Variants in MYO18A observed in about 807,000 individuals in gnomAD.
MYO18A encodes myosin XVIIIA.
Under a neutral mutation model 235.8 loss-of-function variants are expected in MYO18A, and 78 were observed. The ratio of observed to expected loss-of-function variants is 0.33; its 90% CI spans 0.28 to 0.40. The LOEUF is 0.40. Among genes scored for constraint, MYO18A ranks in the 10% least tolerant of loss-of-function variants. The pLI is 1.00. For missense variants in MYO18A, 2,215 were observed against 2,699.3 expected (o/e 0.82, Z 3.98); for synonymous variants, 977 against 1,077.8 (o/e 0.91, Z 1.83).
intron 1 of MYO18A, among the ~76,000 whole-genome samples, chr17:29,175,535 T>C (rs1435014657): frequency 2.6e-5 from 4 of 151,840 alleles, no homozygotes; most frequent in Admixed American, 2.6e-4. Flanking sequence ...AGCTAACTTC[T>C]GTATTTTTTG....
intron 2 of MYO18A, among the ~76,000 whole-genome samples, chr17:29,148,073 T>C (rs377210918): frequency 2.6e-5 from 4 of 151,500 alleles, no homozygotes; most frequent in Admixed American, 6.6e-5. Flanking sequence ...TGGGTGGAGA[T>C]TGAGAAAAGT....
intron 34 of MYO18A, chr17:29,091,801 G>A: frequency 2.6e-6 from 1 of 387,602 alleles, no homozygotes. Flanking sequence ...GTGGGTCCCA[G>A]GACCAGTGAT....
In MYO18A at chr17:29,166,728, G is replaced by A. The variant is rs35083821; in HGVS notation, c.213C>T (p.Ala71=). The A allele has an allele frequency of 2.7e-3, 4,390 of 1,613,844 alleles. 109 individuals carry two copies. The African/African-American group carries it at 0.052, about 19-fold the overall frequency. ...CAGTCAGGTGCAGGTCAGAGCCGCT[G>A]GCCACCTTGATGGGGATGGGGTTGG... ...EISNPIPIKV[A]SGSDLHLTDI... is the part of the protein sequence containing the mutation. Residue 71 remains alanine, a synonymous_variant, in exon 2 of 42, where the codon GCC becomes GCT. Coordinates refer to ENST00000527372, the MANE Select transcript of MYO18A (RefSeq NM_078471.4).
intron 2 of MYO18A, among the ~76,000 whole-genome samples, chr17:29,153,106 G>T (rs1431971517): frequency 6.6e-6 from 1 of 152,002 alleles, no homozygotes; most frequent in Non-Finnish European, 1.5e-5. Context: ...ACCTTACAAG[G>T]AAAGTACTAT....
chr17:29,142,013 C>T (rs894406384), intron 2 of MYO18A, among the ~76,000 whole-genome samples: 27 of 152,118 alleles, frequency 1.8e-4, no homozygotes, highest in Non-Finnish European at 7.4e-5. Flanking sequence ...GGCGTGATCT[C>T]GGCTCACTGC....
At chr17:29,080,712 C>T (rs2066099170) in intron 41 of MYO18A, 2 of 985,430 alleles carry the variant, frequency 2.0e-6, no homozygotes, top group Non-Finnish European at 2.4e-6. Flanking sequence ...CGGAGCCCCA[C>T]CGCTTCTGCG....
chr17:29,165,831 C>T, intron 2 of MYO18A, 111 bp downstream of exon 2: 1 of 1,046,154 alleles, frequency 9.6e-7, no homozygotes, highest in Admixed American at 2.7e-5. Flanking sequence ...TCCCCACTTA[C>T]ACACTGCTAG....
chr17:29,137,873 G>C (rs1049166013), intron 2 of MYO18A, among the ~76,000 whole-genome samples: 1 of 152,086 alleles, frequency 6.6e-6, no homozygotes, highest in African/African-American at 2.4e-5. Flanking sequence ...TATTTATTTT[G>C]GTATGTATTT....
Position 29,121,339 on chromosome 17 carries a change from G to A in MYO18A, c.1372-128C>T. On this transcript the variant is annotated intron_variant, in intron 5 of 41. Transcript: ENST00000527372. This position sits in a 1 kb window ranked among gnomAD's most constrained non-coding sequence, Gnocchi z 4.2. ...TAGTGCCCAGGGATTCCAAGGCCAA[G>A]GCCATGCATGGAAATGAAGACACTA... The A allele has an allele frequency of 8.6e-7, 1 of 1,158,946 alleles. No homozygotes were observed. The highest frequency in any genetic ancestry group is 2.6e-5 in the East Asian group (1 of 38,876). The allele number at this position is 1,158,946 out of a possible 1,614,324, so 71.8% of individuals were successfully genotyped here.
At chr17:29,137,285 G>A (rs556428761) in intron 2 of MYO18A, among the ~76,000 whole-genome samples, 83 of 152,336 alleles carry the variant, frequency 5.4e-4, no homozygotes, top group African/African-American at 2.0e-3. Flanking sequence ...CTGCACGAGA[G>A]TGCTGGGACA....
chr17:29,132,873 G>A (rs2067504614), intron 2 of MYO18A, among the ~76,000 whole-genome samples: 1 of 152,298 alleles, frequency 6.6e-6, no homozygotes, highest in Admixed American at 6.5e-5. Context: ...GAGTGGCAGG[G>A]TCTAGGTCTG....
intron 2 of MYO18A, among the ~76,000 whole-genome samples, chr17:29,122,729 G>A (rs1024712337): frequency 6.6e-6 from 1 of 152,250 alleles, no homozygotes; most frequent in South Asian, 2.1e-4. Flanking sequence ...TTGCCAAGCT[G>A]GGAGAGGGCA....
chr17:29,154,806 C>T (rs912366368), intron 2 of MYO18A, among the ~76,000 whole-genome samples: 1 of 152,190 alleles, frequency 6.6e-6, no homozygotes, highest in East Asian at 1.9e-4. Context: ...CCAGCCCAGC[C>T]GGGGAGGAAA....
Position 29,106,972 on chromosome 17 carries a change from C to T in MYO18A, c.3441+108G>A. The T allele has an allele frequency of 9.2e-7, 1 of 1,087,356 alleles. No homozygotes were observed. Among genetic ancestry groups the T allele is most frequent in the Non-Finnish European group, 1.4e-6 (1 of 723,652 alleles). The allele number at this position is 1,087,356 out of a possible 1,614,324, so 67.4% of individuals were successfully genotyped here. ...GTGCTTCCAAAACTGGGAGCCTGAG[C>T]AGGGCCAGATGAGCTGTCTCCAGGG... is the stretch of plus-strand genomic sequence containing the variant. On this transcript the variant is annotated intron_variant, in intron 20 of 41. Coordinates refer to ENST00000527372, the MANE Select transcript of MYO18A (RefSeq NM_078471.4). The surrounding 1 kb of genome is among the most constrained non-coding windows in gnomAD (Gnocchi z 4.6).
rs1028429782 is a variant in MYO18A, at chr17:29,073,553, G to C, written c.*1217C>G. On this transcript the variant is annotated 3_prime_UTR_variant, in exon 42 of 42. Transcript: ENST00000527372. The stretch of plus-strand genomic sequence containing the variant: ...AAAAGGGCCTTTATTTCCATACATC[G>C]GGTAAACAGGGGAGAGCACAGCCCA... 1.7e-5 allele frequency: 5 copies of C among 287,710 alleles called. No individual in the cohort carries two copies. In the East Asian group the frequency reaches 2.9e-4, roughly 17 times the overall value. 17.8% of individuals were successfully genotyped at this position (287,710 alleles called of 1,614,324 possible). A position where few individuals can be genotyped will look rare whatever the true frequency, so the allele number is the denominator to read the frequency against.
intron 15 of MYO18A, 139 bp from the exon 16 acceptor site, chr17:29,112,002 G>T (rs946752388): frequency 1.8e-6 from 2 of 1,115,494 alleles, no homozygotes; most frequent in South Asian, 1.6e-5. Flanking sequence ...AGCTCCTGCC[G>T]CTCACTGCTG....
intron 2 of MYO18A, among the ~76,000 whole-genome samples, chr17:29,143,402 GTTTTTTT>G (rs532615100): frequency 8.2e-6 from 1 of 121,542 alleles, no homozygotes; most frequent in Admixed American, 8.3e-5. Context: ...CACCATGTAG[GTTTTTTT>G]TTTTTTTTTT....
Position 29,094,810 on chromosome 17 carries a change from A to G in MYO18A, c.4550T>C (p.Val1517Ala), listed in dbSNP as rs1246674105. 6.2e-7 allele frequency: 1 copy of G among 1,614,052 alleles called. No homozygotes were observed. Among genetic ancestry groups the G allele is most frequent in the Admixed American group, 1.7e-5 (1 of 60,028 alleles). ...MDIAGFTQKVVSLEAELQDIS... is the reference protein window; with the variant it reads ...MDIAGFTQKVASLEAELQDIS... Reference sequence around the variant, plus strand: ...GTCCTGGAGCTCTGCCTCTAGAGACACAACCTTCTGGGTGAACCCTGCAAT... The same window carrying G: ...GTCCTGGAGCTCTGCCTCTAGAGACGCAACCTTCTGGGTGAACCCTGCAAT... The change falls in exon 30 of 42, where the codon GTG becomes GCG. Residue 1517 changes from valine (V) to alanine (A), a missense_variant. Coordinates refer to ENST00000527372, the MANE Select transcript of MYO18A (RefSeq NM_078471.4).
intron 2 of MYO18A, among the ~76,000 whole-genome samples, chr17:29,159,489 G>A (rs2068128068): frequency 6.6e-6 from 1 of 152,078 alleles, no homozygotes; most frequent in African/African-American, 2.4e-5. Flanking sequence ...AAAAAAAACA[G>A]AAACAGAAAC....
Sources: allele counts gnomAD v4.1 joint callset (sites outside exome capture counted in the v4.1 genomes callset), GRCh38; gene constraint gnomAD v4.1.1; non-coding constraint Gnocchi (gnomAD v3.1); transcripts MANE v1.5; gene names NCBI Gene and HGNC (gene_info 2026-07-23, HGNC 2026-07-21).